The following ARHGEF6 variants were observed in gnomAD, a reference collection of about 807,000 sequenced individuals.
The protein encoded by ARHGEF6 is rho guanine nucleotide exchange factor 6.
A neutral mutation model predicts 70.3 loss-of-function variants in ARHGEF6; 9 were observed. The observed-to-expected ratio is 0.13, with a 90% CI of 0.08 to 0.22. ARHGEF6 has a LOEUF of 0.22. ARHGEF6 is among the 10% of genes least tolerant of loss of function. The pLI, the probability that ARHGEF6 is intolerant of heterozygous loss-of-function variation, is 1.00. For missense variants in ARHGEF6, 470 were observed against 563.0 expected (o/e 0.83, Z 1.67); for synonymous variants, 201 against 207.8 (o/e 0.97, Z 0.28).
chrX:136,747,055 TA>T (rs2077101273), intron 3 of ARHGEF6, among the ~76,000 whole-genome samples: 1 of 111,478 alleles, frequency 9.0e-6, no homozygotes, highest in South Asian at 3.7e-4. Context: ...TTTCACTCCC[TA>T]TGACCCCAAG....
intron 8 of ARHGEF6, 72 bp downstream of exon 8, chrX:136,708,603 A>G (rs1418924758): frequency 1.6e-5 from 15 of 932,617 alleles, no homozygotes; most frequent in Non-Finnish European, 3.1e-6. Context: ...TATCAAAGGC[A>G]ACAGGTAAAA....
intron 2 of ARHGEF6, chrX:136,767,529 T>C (rs1054178738): frequency 1.3e-6 from 1 of 754,661 alleles, no homozygotes; most frequent in Non-Finnish European, 1.6e-6. Context: ...GCCATAGCCG[T>C]GCCGCTCGGC....
chrX:136,721,279 G>C (rs760140750), intron 6 of ARHGEF6, among the ~76,000 whole-genome samples: 62 of 112,328 alleles, frequency 5.5e-4, no homozygotes, highest in African/African-American at 1.8e-3. Flanking sequence ...AAACACAATG[G>C]AGGCTGGGCA....
At chrX:136,720,640 T>C (rs936100045) in intron 6 of ARHGEF6, among the ~76,000 whole-genome samples, 1 of 111,327 alleles carries the variant, frequency 9.0e-6, no homozygotes, top group Non-Finnish European at 1.9e-5. Context: ...CTTTTCAACA[T>C]CATATTGAAT....
intron 6 of ARHGEF6, among the ~76,000 whole-genome samples, chrX:136,715,890 T>C (rs1281251147): frequency 8.9e-6 from 1 of 112,641 alleles, no homozygotes; most frequent in Admixed American, 9.4e-5. Flanking sequence ...AGAAACTATT[T>C]TACCAGAGCA....
At chrX:136,747,001 C>T (rs781259456) in intron 3 of ARHGEF6, among the ~76,000 whole-genome samples, 1 of 111,457 alleles carries the variant, frequency 9.0e-6, no homozygotes. Flanking sequence ...ATATTTAATA[C>T]CTCTAGTGTG....
intron 6 of ARHGEF6, among the ~76,000 whole-genome samples, chrX:136,723,186 T>C (rs2076817627): frequency 8.9e-6 from 1 of 111,882 alleles, no homozygotes. Flanking sequence ...TAGAAGGTTT[T>C]TTGGTGGGGT....
intron 6 of ARHGEF6, among the ~76,000 whole-genome samples, chrX:136,714,854 G>A (rs1428274464): frequency 2.7e-5 from 3 of 111,666 alleles, no homozygotes; most frequent in African/African-American, 9.8e-5. Context: ...TTATGAAGAT[G>A]TAGTGACACA....
Position 136,668,059 on chromosome X carries a change from C to G in ARHGEF6, c.2301G>C (p.Glu767Asp), listed in dbSNP as rs761201378. 2.3e-5 allele frequency: 28 copies of G among 1,210,408 alleles called. No homozygotes were observed. Among genetic ancestry groups the G allele is most frequent in the Non-Finnish European group, 3.0e-5 (27 of 895,320 alleles). Reference protein sequence around the residue: ...LKQTDECIRGESSSKTSILP With the variant: ...LKQTDECIRGDSSSKTSILP Reference sequence around the variant, plus strand: ...GAAGAATTGAGGTCTTGCTACTGGACTCGCCTCGAATACACTCATCTGTTT... The same window carrying G: ...GAAGAATTGAGGTCTTGCTACTGGAGTCGCCTCGAATACACTCATCTGTTT... The change falls in exon 22 of 22, where the codon GAG becomes GAC. Residue 767 changes from glutamate to aspartate, a missense_variant. Physicochemically the swap from Glu to Asp is conservative, Grantham distance 45 (BLOSUM62 2). Around this residue, in one of 3 missense-constraint regions of ARHGEF6, gnomAD observed 88 missense variants for 95.5 expected, o/e 0.92. Coordinates refer to ENST00000250617, the MANE Select transcript of ARHGEF6 (RefSeq NM_004840.3).
chrX:136,686,972 T>C (rs1455118517), intron 11 of ARHGEF6, among the ~76,000 whole-genome samples: 1 of 108,901 alleles, frequency 9.2e-6, no homozygotes, highest in Non-Finnish European at 1.9e-5. Flanking sequence ...TAGGAATAAA[T>C]ATACTAAACC....
chrX:136,727,467 TTC>T (rs1357485779), intron 6 of ARHGEF6, among the ~76,000 whole-genome samples: 1 of 101,905 alleles, frequency 9.8e-6, no homozygotes, highest in African/African-American at 3.6e-5. Context: ...CCTTCTTTCT[TTC>T]TCTCTTTCTT....
At chrX:136,740,216 C>G (rs970617703) in intron 5 of ARHGEF6, among the ~76,000 whole-genome samples, 4 of 110,796 alleles carry the variant, frequency 3.6e-5, no homozygotes, top group Admixed American at 9.6e-5. Context: ...TCCATGTTGC[C>G]CAGGCTGATC....
intron 9 of ARHGEF6, 81 bp downstream of exon 9, chrX:136,706,827 A>G: frequency 7.9e-6 from 9 of 1,137,581 alleles, no homozygotes; most frequent in East Asian, 3.0e-5. Context: ...CAAGAGTCCA[A>G]CTGAAGACCT....
At chrX:136,748,835 T>A (rs2077122722) in intron 2 of ARHGEF6, among the ~76,000 whole-genome samples, 1 of 112,098 alleles carries the variant, frequency 8.9e-6, no homozygotes, top group African/African-American at 3.2e-5. Context: ...TCAAGACAAA[T>A]TTCTATCTTT....
chrX:136,726,108 T>G (rs928021240), intron 6 of ARHGEF6, among the ~76,000 whole-genome samples: 1 of 112,128 alleles, frequency 8.9e-6, no homozygotes, highest in Non-Finnish European at 1.9e-5. Flanking sequence ...AAATATTACA[T>G]TATAGGAATT....
At chrX:136,718,705 T>C (rs1358962270) in intron 6 of ARHGEF6, among the ~76,000 whole-genome samples, 1 of 111,341 alleles carries the variant, frequency 9.0e-6, no homozygotes, top group Non-Finnish European at 1.9e-5. Flanking sequence ...TGATATTGTG[T>C]TTTTCAAACA....
chrX:136,712,092 TTTGTTG>T (rs1191257077), intron 7 of ARHGEF6, among the ~76,000 whole-genome samples: 1 of 111,166 alleles, frequency 9.0e-6, no homozygotes, highest in African/African-American at 3.3e-5. Flanking sequence ...TTTGCTTGGT[TTTGTTG>T]TTGTTGTTGT....
chrX:136,758,137 G>A (rs1437124205), intron 2 of ARHGEF6, among the ~76,000 whole-genome samples: 1 of 84,291 alleles, frequency 1.2e-5, no homozygotes, highest in Non-Finnish European at 2.1e-5. Context: ...TACAAGCTCC[G>A]CCTCCTGGGT....
intron 8 of ARHGEF6, 55 bp from the exon 9 acceptor site, chrX:136,707,085 G>T: frequency 1.7e-6 from 2 of 1,181,170 alleles, no homozygotes; most frequent in Non-Finnish European, 2.3e-6. Context: ...GGAGGCAAAG[G>T]AAGATTATTC....
Sources: allele counts gnomAD v4.1 joint callset (sites outside exome capture counted in the v4.1 genomes callset), GRCh38; gene constraint gnomAD v4.1.1; regional missense constraint gnomAD v4.1.1; transcripts MANE v1.5; gene names NCBI Gene and HGNC (gene_info 2026-07-23, HGNC 2026-07-21).